The following MBNL1 variants were observed in gnomAD, a reference collection of about 807,000 sequenced individuals.
MBNL1 encodes muscleblind like splicing regulator 1, also known as muscleblind-like protein 1.
A neutral mutation model predicts 42.2 loss-of-function variants in MBNL1; 8 were observed. That is an observed-to-expected ratio of 0.19 (90% CI 0.11 to 0.34). MBNL1 has a LOEUF of 0.34. MBNL1 is among the 10% of genes least tolerant of loss of function. MBNL1 has a pLI of 1.00. For missense variants in MBNL1, 309 were observed against 495.3 expected (o/e 0.62, Z 3.57); for synonymous variants, 169 against 173.9 (o/e 0.97, Z 0.22).
chr3:152,302,095 C>G (rs995580281), intron 2 of MBNL1: 3 of 151,978 alleles, frequency 2.0e-5, no homozygotes, highest in African/African-American at 7.3e-5. Flanking sequence ...CACTTATGGC[C>G]ACAGAACAGT....
intron 2 of MBNL1, among the ~76,000 whole-genome samples, chr3:152,251,127 A>T (rs2034456052): frequency 6.6e-6 from 1 of 152,100 alleles, no homozygotes; most frequent in South Asian, 2.1e-4. Flanking sequence ...AGATTTACAT[A>T]GCTACACTAC....
At chr3:152,366,724 A>G (rs559492349) in intron 2 of MBNL1, among the ~76,000 whole-genome samples, 92 of 152,318 alleles carry the variant, frequency 6.0e-4, no homozygotes, top group Non-Finnish European at 8.2e-4. Context: ...CAATTAGGAA[A>G]GTGAGTAAGC....
chr3:152,302,133 C>G (rs968477678), intron 2 of MBNL1: 8 of 152,096 alleles, frequency 5.3e-5, no homozygotes, highest in African/African-American at 1.9e-4. Flanking sequence ...AGCAAGGTTG[C>G]TTAATGACAT....
At chr3:152,342,790 T>C (rs1223604752) in intron 2 of MBNL1, among the ~76,000 whole-genome samples, 1 of 152,164 alleles carries the variant, frequency 6.6e-6, no homozygotes, top group Admixed American at 6.6e-5. Context: ...AGTTAACCCC[T>C]CTGAGGTTCG....
chr3:152,404,372 A>G (rs900782241), intron 2 of MBNL1, among the ~76,000 whole-genome samples: 2 of 152,218 alleles, frequency 1.3e-5, no homozygotes, highest in African/African-American at 2.4e-5. Context: ...AAATATTGAC[A>G]TAGGTTGTTG....
chr3:152,387,114 G>A (rs1272717174), intron 2 of MBNL1, among the ~76,000 whole-genome samples: 1 of 152,018 alleles, frequency 6.6e-6, no homozygotes, highest in Non-Finnish European at 1.5e-5. Flanking sequence ...AATCTCTCAG[G>A]TAATTTTAAT....
chr3:152,247,278 ACTTT>A (rs1369650175), intron 2 of MBNL1, among the ~76,000 whole-genome samples: 6 of 152,042 alleles, frequency 3.9e-5, no homozygotes, highest in African/African-American at 7.2e-5. Flanking sequence ...GTGTTTGTTG[ACTTT>A]CTATTTATTT....
chr3:152,349,882 A>G (rs2094744574), intron 2 of MBNL1, among the ~76,000 whole-genome samples: 1 of 152,082 alleles, frequency 6.6e-6, no homozygotes, highest in Admixed American at 6.6e-5. Context: ...CTAGGCCTGG[A>G]GCATTGCCCT....
chr3:152,430,479 A>AGACTCTTTT (rs2153742983), intron 3 of MBNL1, among the ~76,000 whole-genome samples: 1 of 152,348 alleles, frequency 6.6e-6, no homozygotes, highest in African/African-American at 2.4e-5. Flanking sequence ...CCCCTGACAT[A>AGACTCTTTT]GACTCTTTTA....
chr3:152,458,412 C>T (rs1469338092), intron 8 of MBNL1: 2 of 541,542 alleles, frequency 3.7e-6, no homozygotes, highest in East Asian at 3.2e-5. Context: ...ATTCTCCCAA[C>T]AACATTGCTG....
At chr3:152,435,193 A>T (rs1386428516) in intron 4 of MBNL1, among the ~76,000 whole-genome samples, 1 of 152,074 alleles carries the variant, frequency 6.6e-6, no homozygotes, top group African/African-American at 2.4e-5. Context: ...TAAGCCTTTA[A>T]TCCGTCTTGA....
chr3:152,447,709 T>A lies in MBNL1; in HGVS notation c.897T>A (p.Ile299=). 6.2e-7 allele frequency: 1 copy of A among 1,613,956 alleles called. No homozygotes were observed. The highest frequency in any genetic ancestry group is 8.5e-7 in the Non-Finnish European group (1 of 1,179,854). ...NGATAVFNTG[I]FQYQQALANM... ...CCACCGCAGTCTTTAACACTGGTAT[T>A]TTCCAATACCAACAGGCTCTAGCCA... is the stretch of plus-strand genomic sequence containing the variant. Residue 299 remains isoleucine (I), a synonymous_variant, in exon 6 of 10, where the codon ATT becomes ATA. Coordinates refer to ENST00000324210, the MANE Select transcript of MBNL1 (RefSeq NM_021038.5).
At chr3:152,321,124 T>TAAAAAAAAAAA (rs2076234406) in intron 2 of MBNL1, among the ~76,000 whole-genome samples, 1 of 151,926 alleles carries the variant, frequency 6.6e-6, no homozygotes, top group African/African-American at 2.4e-5. Context: ...TTCTAGAGAG[T>TAAAAAAAAAAA]AAAAAAATGT....
At chr3:152,444,793 A>G (rs1358015549) in intron 4 of MBNL1, among the ~76,000 whole-genome samples, 2 of 152,170 alleles carry the variant, frequency 1.3e-5, no homozygotes, top group Non-Finnish European at 2.9e-5. Flanking sequence ...CTAGTCGGTT[A>G]TTAGTAAAAT....
chr3:152,252,147 C>A (rs1448577943), intron 2 of MBNL1, among the ~76,000 whole-genome samples: 1 of 141,422 alleles, frequency 7.1e-6, no homozygotes. Flanking sequence ...TTCCTTCCTT[C>A]CTTCCTTCCT....
chr3:152,276,152 A>G (rs1342372467), intron 1 of MBNL1, among the ~76,000 whole-genome samples: 1 of 152,118 alleles, frequency 6.6e-6, no homozygotes. Flanking sequence ...CATTTTTATT[A>G]TTCCAATGTT....
intron 2 of MBNL1, among the ~76,000 whole-genome samples, chr3:152,318,972 C>G (rs998510847): frequency 6.6e-6 from 1 of 152,040 alleles, no homozygotes; most frequent in Non-Finnish European, 1.5e-5. Context: ...TTTATTTGTA[C>G]TACTGGAAGT....
At chr3:152,264,968 G>T (rs1191579314), upstream of MBNL1, 3 of 151,806 alleles carry the variant, frequency 2.0e-5, no homozygotes, top group African/African-American at 7.3e-5. Flanking sequence ...TAAATAATGA[G>T]CACAAAGAAA....
intron 2 of MBNL1, among the ~76,000 whole-genome samples, chr3:152,309,530 C>T (rs1488032615): frequency 6.6e-6 from 1 of 152,100 alleles, no homozygotes; most frequent in Non-Finnish European, 1.5e-5. Flanking sequence ...TACTTAAGTC[C>T]AGGCTGTTCT....
Sources: gnomAD v4.1 joint callset for allele counts (sites outside exome capture counted in the v4.1 genomes callset) on GRCh38, gnomAD v4.1.1 for gene constraint, MANE v1.5 for transcripts, NCBI Gene and HGNC (gene_info 2026-07-23, HGNC 2026-07-21) for gene names.